Variants in PALD1 observed in about 807,000 individuals in gnomAD.
The protein encoded by PALD1 is phosphatase domain containing paladin 1.
Under a neutral mutation model 96.0 loss-of-function variants are expected in PALD1, and 57 were observed. The observed-to-expected ratio is 0.59, with a 90% confidence interval of 0.48 to 0.74. The LOEUF (loss-of-function observed/expected upper bound fraction) is 0.74. Among genes scored for constraint, PALD1 ranks in the 30% least tolerant of loss-of-function variants. The probability of loss-of-function intolerance (pLI) is 0.00; values close to 1 mark genes in which losing one functional copy is unlikely to be tolerated. For synonymous variants in PALD1, 464 were observed against 473.6 expected (o/e 0.98, Z 0.26); for missense variants, 1,063 against 1,143.7 (o/e 0.93, Z 1.02).
At chr10:70,492,597 C>T (rs772963305) in intron 1 of PALD1, among the ~76,000 whole-genome samples, 3 of 151,782 alleles carry the variant, frequency 2.0e-5, no homozygotes, top group Non-Finnish European at 4.4e-5. Flanking sequence ...GCTGGGATTA[C>T]AGGTACCTGC....
At chr10:70,533,452 A>G (rs1457912630) in intron 7 of PALD1, among the ~76,000 whole-genome samples, 1 of 151,958 alleles carries the variant, frequency 6.6e-6, no homozygotes, top group African/African-American at 2.4e-5. Flanking sequence ...TCCATCACTG[A>G]CCGCTGGCCC....
At position 70,533,969 on chromosome 10, in the gene PALD1, A is replaced by C; in HGVS notation, c.918A>C (p.Pro306=). 1 of 1,613,140 alleles carries C rather than the reference A, an allele frequency of 6.2e-7. No individual in the cohort carries two copies. Among genetic ancestry groups the C allele is most frequent in the Non-Finnish European group, 8.5e-7 (1 of 1,179,554 alleles). The part of the protein sequence containing the change: ...LQLRDAHGPP[P]ALVFSCQMGV... ...TCCGTGATGCCCACGGGCCTCCCCC[A>C]GCCCTCGTCTTCAGCTGCCAGATGG... is the stretch of plus-strand genomic sequence containing the variant. The change falls in exon 8 of 20, where the codon CCA becomes CCC. Residue 306 remains proline, a synonymous_variant. Coordinates refer to ENST00000263563, the MANE Select transcript of PALD1 (RefSeq NM_014431.3).
intron 1 of PALD1, among the ~76,000 whole-genome samples, chr10:70,510,953 T>G (rs879271255): frequency 2.0e-5 from 3 of 152,098 alleles, no homozygotes; most frequent in Non-Finnish European, 4.4e-5. Context: ...CAGGCCCTGG[T>G]GGGCAGGGAT....
At chr10:70,527,228 A>G (rs527466680) in intron 2 of PALD1, among the ~76,000 whole-genome samples, 6 of 152,196 alleles carry the variant, frequency 3.9e-5, no homozygotes, top group South Asian at 2.1e-4. Flanking sequence ...CCTTATCAAC[A>G]TAAGCAGAGA....
At chr10:70,498,156 A>G (rs997800651) in intron 1 of PALD1, among the ~76,000 whole-genome samples, 8 of 152,172 alleles carry the variant, frequency 5.3e-5, no homozygotes, top group Non-Finnish European at 4.4e-5. Context: ...ATCTCATATT[A>G]TTGGAATCGT....
the PALD1 span, among the ~76,000 whole-genome samples, chr10:70,471,800 AC>A: frequency 6.6e-6 from 1 of 152,164 alleles, no homozygotes; most frequent in Non-Finnish European, 1.5e-5. Context: ...TCTGTTTCCC[AC>A]CCATCAGCAA....
the PALD1 span, among the ~76,000 whole-genome samples, chr10:70,466,323 G>A: frequency 6.6e-6 from 1 of 151,900 alleles, no homozygotes; most frequent in South Asian, 2.1e-4. Flanking sequence ...TCAGCTCACT[G>A]CAACCTCTGC....
the PALD1 span, among the ~76,000 whole-genome samples, chr10:70,465,681 C>T: frequency 6.6e-6 from 1 of 152,134 alleles, no homozygotes; most frequent in Non-Finnish European, 1.5e-5. Flanking sequence ...CAAGACATCA[C>T]GCTGCCACTC....
the PALD1 span, among the ~76,000 whole-genome samples, chr10:70,460,450 C>T: frequency 2.0e-5 from 3 of 152,212 alleles, no homozygotes; most frequent in Non-Finnish European, 2.9e-5. Context: ...CTCCTCTGCG[C>T]CTTCTCCAGC....
At chr10:70,544,169 G>A (rs1220604431) in intron 17 of PALD1, among the ~76,000 whole-genome samples, 1 of 152,216 alleles carries the variant, frequency 6.6e-6, no homozygotes, top group Admixed American at 6.5e-5. Context: ...GAGGGAGCCT[G>A]AGAGGACTTC....
intron 4 of PALD1, 141 bp downstream of exon 4, chr10:70,530,209 G>C (rs1022012161): frequency 1.6e-6 from 1 of 619,462 alleles, no homozygotes; most frequent in Non-Finnish European, 2.6e-6. Flanking sequence ...GGCCCTGCCT[G>C]CCAGGATGGT....
At chr10:70,463,494 C>T in the PALD1 span, among the ~76,000 whole-genome samples, 2 of 152,002 alleles carry the variant, frequency 1.3e-5, no homozygotes, top group Non-Finnish European at 2.9e-5. Context: ...GTAAAGTCTC[C>T]AGACATAATT....
chr10:70,482,571 TC>T (rs1845952182), intron 1 of PALD1, among the ~76,000 whole-genome samples: 3 of 152,152 alleles, frequency 2.0e-5, no homozygotes, highest in African/African-American at 7.2e-5. Flanking sequence ...GCCTTTATAA[TC>T]CCTGAGTTCC....
intron 1 of PALD1, chr10:70,485,803 A>G (rs1301669243): frequency 6.4e-6 from 1 of 155,460 alleles, no homozygotes; most frequent in Non-Finnish European, 1.5e-5. Context: ...AAGTCCAATA[A>G]AAAGCATTTC....
chr10:70,501,841 G>GTGCGTGCA (rs1846304456), intron 1 of PALD1, among the ~76,000 whole-genome samples: 2 of 151,882 alleles, frequency 1.3e-5, no homozygotes, highest in African/African-American at 4.8e-5. Flanking sequence ...GTGTGCGTGC[G>GTGCGTGCA]TGCATGCATA....
intron 1 of PALD1, among the ~76,000 whole-genome samples, chr10:70,502,023 G>A (rs549396727): frequency 6.6e-6 from 1 of 152,220 alleles, no homozygotes; most frequent in African/African-American, 2.4e-5. Context: ...AAAGAGCCAA[G>A]GACAGTGGCT....
intron 1 of PALD1, among the ~76,000 whole-genome samples, chr10:70,492,046 G>T (rs550969559): frequency 6.6e-6 from 1 of 152,288 alleles, no homozygotes; most frequent in South Asian, 2.1e-4. Flanking sequence ...TAGCTGTTTG[G>T]CTGCTATGAA....
chr10:70,544,752 C>T (rs549110884), intron 17 of PALD1, among the ~76,000 whole-genome samples: 9 of 152,324 alleles, frequency 5.9e-5, no homozygotes, highest in African/African-American at 2.2e-4. Flanking sequence ...TCCCTGCACC[C>T]TCCTGGGGAC....
rs771218784 is a variant in PALD1 at position 70,531,344 on chromosome 10, G to A, written c.523G>A (p.Glu175Lys). ...EEPVLFLRAD[E>K]DFVSYTPRDK... ...ACCTGTGCTTTTCCTGCGTGCAGATGAGGACTTTGTGTCCTACACACCTCG... is the reference window on the plus strand; with the variant it reads ...ACCTGTGCTTTTCCTGCGTGCAGATAAGGACTTTGTGTCCTACACACCTCG... Residue 175 changes from glutamate (E) to lysine (K), a missense_variant, in exon 5 of 20, where the codon GAG (glutamate) becomes AAG (lysine). Physicochemically the swap from Glu to Lys is moderately conservative, Grantham distance 56 (BLOSUM62 1). Coordinates refer to ENST00000263563, the MANE Select transcript of PALD1 (RefSeq NM_014431.3). 2.7e-5 allele frequency: 44 copies of A among 1,613,854 alleles called. No individual in the cohort carries two copies. The South Asian group carries it at 4.6e-4, about 17-fold the overall frequency.
Sources: gnomAD v4.1 joint callset for allele counts (sites outside exome capture counted in the v4.1 genomes callset) on GRCh38, gnomAD v4.1.1 for gene constraint, MANE v1.5 for transcripts, NCBI Gene and HGNC (gene_info 2026-07-23, HGNC 2026-07-21) for gene names.